The following LIMA1 variants were observed in gnomAD, a reference collection of about 807,000 sequenced individuals.
LIMA1 encodes LIM domain and actin-binding protein 1.
Under a neutral mutation model 62.6 loss-of-function variants are expected in LIMA1, and 52 were observed. The observed-to-expected ratio is 0.83, with a 90% confidence interval of 0.67 to 1.05. LIMA1 has a LOEUF of 1.05. LIMA1 is among the 50% of genes least tolerant of loss of function. The pLI is 0.00. For missense variants in LIMA1, 780 were observed against 902.2 expected (o/e 0.86, Z 1.74); for synonymous variants, 302 against 317.8 (o/e 0.95, Z 0.53).
chr12:50,253,852 T>A (rs555725124), intron 1 of LIMA1, among the ~76,000 whole-genome samples: 5 of 151,492 alleles, frequency 3.3e-5, no homozygotes, highest in African/African-American at 1.2e-4. Flanking sequence ...TGTAGCAAAA[T>A]CCTGTCTTTA....
intron 1 of LIMA1, among the ~76,000 whole-genome samples, chr12:50,253,353 C>G (rs556781644): frequency 2.6e-4 from 40 of 152,224 alleles, no homozygotes; most frequent in African/African-American, 9.1e-4. Flanking sequence ...GTTTTATTGT[C>G]TTATATTTAT....
At chr12:50,269,163 G>A (rs1172448493) in intron 1 of LIMA1, among the ~76,000 whole-genome samples, 1 of 152,154 alleles carries the variant, frequency 6.6e-6, no homozygotes, top group East Asian at 1.9e-4. Flanking sequence ...AATAATGATA[G>A]CAGTGGTGGT....
At chr12:50,204,090 T>C (rs1015267235) in intron 6 of LIMA1, among the ~76,000 whole-genome samples, 4 of 152,166 alleles carry the variant, frequency 2.6e-5, no homozygotes, top group Admixed American at 1.3e-4. Flanking sequence ...GAGTTATATC[T>C]CAGTAAAAAA....
At chr12:50,201,457 G>T in intron 6 of LIMA1, 1 of 979,740 alleles carries the variant, frequency 1.0e-6, no homozygotes, top group Middle Eastern at 5.3e-4. Context: ...TTGTACTAAA[G>T]ACATAATTTA....
At chr12:50,271,914 C>A (rs1942216672) in intron 1 of LIMA1, among the ~76,000 whole-genome samples, 1 of 152,154 alleles carries the variant, frequency 6.6e-6, no homozygotes, top group African/African-American at 2.4e-5. Flanking sequence ...ATAAGTCTTG[C>A]CAATTACATG....
chr12:50,190,044 A>C (rs1429498315), intron 9 of LIMA1: 3 of 84,690 alleles, frequency 3.5e-5, no homozygotes, highest in Admixed American at 1.7e-4. Flanking sequence ...TTGAGATGGA[A>C]TCTCACTCTG....
intron 1 of LIMA1, among the ~76,000 whole-genome samples, chr12:50,282,107 CT>C (rs59366464): frequency 0.018 from 2,715 of 152,092 alleles, 83 homozygotes; most frequent in African/African-American, 0.061. Flanking sequence ...TGAACACACA[CT>C]TTTTTTTGCC....
intron 1 of LIMA1, among the ~76,000 whole-genome samples, chr12:50,268,593 C>CT (rs1942167655): frequency 2.0e-5 from 2 of 101,576 alleles, no homozygotes; most frequent in Non-Finnish European, 4.4e-5. Flanking sequence ...TGCCATGAAG[C>CT]AATTATTATT....
intron 9 of LIMA1, chr12:50,185,789 G>A (rs1039558391): frequency 1.8e-5 from 4 of 226,200 alleles, no homozygotes; most frequent in Non-Finnish European, 3.6e-5. Flanking sequence ...GGAGCAAAAA[G>A]TCTGTCTTCC....
intron 1 of LIMA1, among the ~76,000 whole-genome samples, chr12:50,254,869 G>A (rs1380636837): frequency 2.0e-5 from 3 of 151,994 alleles, no homozygotes. Context: ...AGGCCAGCCT[G>A]GCCAACATGG....
intron 1 of LIMA1, among the ~76,000 whole-genome samples, chr12:50,264,819 T>C (rs1047701302): frequency 1.3e-5 from 2 of 152,184 alleles, no homozygotes; most frequent in Non-Finnish European, 2.9e-5. Flanking sequence ...TTATGTGTCA[T>C]ATTGACTTAA....
intron 2 of LIMA1, among the ~76,000 whole-genome samples, chr12:50,238,301 G>A (rs1208125515): frequency 2.0e-5 from 3 of 152,008 alleles, no homozygotes; most frequent in Non-Finnish European, 4.4e-5. Context: ...GAGGTCAGGA[G>A]TTCAAGACCA....
intron 1 of LIMA1, among the ~76,000 whole-genome samples, chr12:50,282,949 C>T (rs1248688427): frequency 1.3e-5 from 2 of 152,194 alleles, no homozygotes; most frequent in Non-Finnish European, 2.9e-5. Context: ...ATATTCTCAA[C>T]ATTCCTCAAA....
At chr12:50,245,785 G>A (rs1314029055) in intron 2 of LIMA1, among the ~76,000 whole-genome samples, 1 of 151,968 alleles carries the variant, frequency 6.6e-6, no homozygotes, top group Non-Finnish European at 1.5e-5. Context: ...TGAAGGGGAG[G>A]ATAACAGTGC....
intron 1 of LIMA1, among the ~76,000 whole-genome samples, chr12:50,261,040 A>ATTTTTTTTTTTTTT (rs1394809506): frequency 1.0e-4 from 5 of 48,896 alleles, no homozygotes; most frequent in Non-Finnish European, 1.7e-4. Flanking sequence ...GCCATCTAGT[A>ATTTTTTTTTTTTTT]TATTTTTTTT....
intron 4 of LIMA1, among the ~76,000 whole-genome samples, chr12:50,210,418 C>CAAAAAAAAAAAAAAAAA (rs769288381): frequency 2.2e-5 from 2 of 90,854 alleles, no homozygotes; most frequent in Non-Finnish European, 4.4e-5. Flanking sequence ...ACCCCATTTC[C>CAAAAAAAAAAAAAAAAA]AAAAAAAAAA....
intron 10 of LIMA1, 57 bp from the exon 11 acceptor site, chr12:50,178,126 C>T: frequency 2.3e-6 from 3 of 1,311,580 alleles, no homozygotes; most frequent in South Asian, 4.3e-5. Flanking sequence ...CTCACTTATA[C>T]CAGGAGGCTA....
rs1216257566 is a variant in LIMA1, at chr12:50,267,781, G to C, written c.-24+15639C>G. Among the ~76,000 whole-genome samples, 8 of 151,958 alleles carry C rather than the reference G, an allele frequency of 5.3e-5. No homozygotes were observed. In the East Asian group the frequency reaches 1.4e-3, roughly 26 times the overall value. On this transcript the variant is annotated intron_variant, in intron 1 of 10. Coordinates refer to ENST00000341247, the MANE Select transcript of LIMA1 (RefSeq NM_016357.5). ...GATCCACCTGCCTCGGCCTCCCAAAGTGCTGGGATTACAGGCATGAGCCAC... is the reference window on the plus strand; with the variant it reads ...GATCCACCTGCCTCGGCCTCCCAAACTGCTGGGATTACAGGCATGAGCCAC...
chr12:50,237,881 T>C (rs1250610723), intron 2 of LIMA1, among the ~76,000 whole-genome samples: 5 of 152,084 alleles, frequency 3.3e-5, no homozygotes, highest in Non-Finnish European at 5.9e-5. Context: ...GAAAACTGGA[T>C]AGCCACATGC....
Sources: allele counts gnomAD v4.1 joint callset (sites outside exome capture counted in the v4.1 genomes callset), GRCh38; gene constraint gnomAD v4.1.1; transcripts MANE v1.5; gene names NCBI Gene and HGNC (gene_info 2026-07-23, HGNC 2026-07-21).